The following SARNP variants were observed in gnomAD, a reference collection of about 807,000 sequenced individuals.
SARNP encodes SAP domain-containing ribonucleoprotein.
SARNP carries 5 observed loss-of-function variants against 38.1 expected under a neutral mutation model. The ratio of observed to expected loss-of-function variants is 0.13; its 90% CI spans 0.07 to 0.28. The LOEUF (loss-of-function observed/expected upper bound fraction) is 0.28, where lower values mean the gene tolerates loss of function less well. Ranked by LOEUF, SARNP falls within the 10% of genes least tolerant of loss-of-function variation. The pLI, the probability that SARNP is intolerant of heterozygous loss-of-function variation, is 1.00. For synonymous variants in SARNP, 84 were observed against 80.6 expected (o/e 1.04, Z -0.23); for missense variants, 180 against 243.9 (o/e 0.74, Z 1.75).
rs542134059 is a variant in SARNP, at chr12:55,760,444, G to GTAAA, written c.591+103_591+106dup. 3.3e-3 allele frequency: 2,304 copies of GTAAA among 702,066 alleles called. 7 individuals are homozygous for GTAAA. Among genetic ancestry groups the GTAAA allele is most frequent in the Non-Finnish European group, 3.6e-3 (1,449 of 407,906 alleles). The allele number at this position is 702,066 out of a possible 1,614,324, so 43.5% of individuals were successfully genotyped here. ...AGAGACCCCAACTCGACTTAAATAAGTAAATAAATAAATAAATAAATAGGT... is the reference window on the plus strand; with the variant it reads ...AGAGACCCCAACTCGACTTAAATAAGTAAATAAATAAATAAATAAATAAATAGGT... On this transcript the variant is annotated intron_variant, in intron 10 of 10. Transcript: ENST00000336133.
At chr12:55,814,914 C>G (rs1007577638) in intron 1 of SARNP, among the ~76,000 whole-genome samples, 3 of 151,824 alleles carry the variant, frequency 2.0e-5, no homozygotes, top group African/African-American at 7.3e-5. Flanking sequence ...CTACAAAATC[C>G]TCAGAAATTT....
At chr12:55,781,182 T>A (rs1426023701) in intron 9 of SARNP, among the ~76,000 whole-genome samples, 3 of 152,222 alleles carry the variant, frequency 2.0e-5, no homozygotes, top group Non-Finnish European at 4.4e-5. Context: ...GAAATCTGTA[T>A]GCTAGAAGAC....
chr12:55,794,307 G>C, intron 7 of SARNP, 52 bp downstream of exon 7: 4 of 1,491,226 alleles, frequency 2.7e-6, no homozygotes, highest in South Asian at 1.1e-5. Context: ...TGTTATACCA[G>C]AAAAGAAAGA....
chr12:55,753,863 C>T (rs1878419361), downstream of SARNP: 1 of 151,610 alleles, frequency 6.6e-6, no homozygotes, highest in African/African-American at 2.4e-5. Context: ...AGGAGGACCA[C>T]TTGAGGCCAG....
chr12:55,793,397 A>C (rs1209031706), intron 7 of SARNP: 1 of 152,174 alleles, frequency 6.6e-6, no homozygotes, highest in African/African-American at 2.4e-5. Context: ...CACCAACCAG[A>C]GATAAGAGTA....
chr12:55,770,394 G>GTT (rs1157595075), intron 9 of SARNP, among the ~76,000 whole-genome samples: 17 of 133,282 alleles, frequency 1.3e-4, no homozygotes, highest in African/African-American at 2.2e-4. Context: ...GCCCAGCTAG[G>GTT]TTTTTTTTTT....
chr12:55,758,241 T>C (rs955445574), intron 10 of SARNP, among the ~76,000 whole-genome samples: 2 of 152,204 alleles, frequency 1.3e-5, no homozygotes, highest in Non-Finnish European at 2.9e-5. Context: ...CCACTGCCCC[T>C]AGCAGAATAC....
rs757246709 is a variant in SARNP at position 55,794,896 on chromosome 12, C to T, written c.304-16G>A. On this transcript the variant is annotated splice_polypyrimidine_tract_variant and intron_variant, in intron 5 of 10. Coordinates refer to ENST00000336133, the MANE Select transcript of SARNP (RefSeq NM_033082.4). ...TCTGCATTCTCTAAGTAAAAATAGA[C>T]AAAAGGGAGAAAAAAAAGTCAATTT... 1.7e-6 allele frequency: 2 copies of T among 1,156,942 alleles called. No individual in the cohort carries two copies. Among genetic ancestry groups the T allele is most frequent in the Admixed American group, 2.7e-5 (1 of 37,474 alleles). 71.7% of individuals were successfully genotyped at this position (1,156,942 alleles called of 1,614,324 possible).
intron 1 of SARNP, chr12:55,816,069 A>G (rs1880473816): frequency 6.6e-6 from 1 of 152,250 alleles, no homozygotes; most frequent in South Asian, 2.1e-4. Flanking sequence ...AAAGTTACTT[A>G]TCCAATCAAA....
intron 9 of SARNP, among the ~76,000 whole-genome samples, chr12:55,781,871 A>C (rs896769790): frequency 9.9e-5 from 15 of 151,986 alleles, no homozygotes; most frequent in Non-Finnish European, 5.9e-5. Flanking sequence ...GGCACTCACT[A>C]CCATGCCTGG....
chr12:55,798,828 T>C (rs1359755548), intron 4 of SARNP, among the ~76,000 whole-genome samples: 2 of 152,222 alleles, frequency 1.3e-5, no homozygotes, highest in Non-Finnish European at 2.9e-5. Context: ...TTGTATATAC[T>C]TGTAATTTCC....
At chr12:55,786,002 A>G (rs927603352) in intron 9 of SARNP, among the ~76,000 whole-genome samples, 2 of 152,162 alleles carry the variant, frequency 1.3e-5, no homozygotes, top group Non-Finnish European at 2.9e-5. Context: ...CTTACAGATG[A>G]GGATCAAAGA....
At chr12:55,801,340 GGCTGAAGTGGGAACATTA>G (rs1300517691) in intron 2 of SARNP, among the ~76,000 whole-genome samples, 2 of 152,112 alleles carry the variant, frequency 1.3e-5, no homozygotes, top group African/African-American at 4.8e-5. Flanking sequence ...CTACTGGGGA[GGCTGAAGTGGGAACATTA>G]CTTGAACCCA....
intron 3 of SARNP, 49 bp downstream of exon 3, chr12:55,800,805 C>T: frequency 6.6e-7 from 1 of 1,509,194 alleles, no homozygotes; most frequent in Non-Finnish European, 9.2e-7. Context: ...GCAATGTGGC[C>T]AAAGCAGTGG....
At chr12:55,783,943 G>T (rs1276207954) in intron 9 of SARNP, among the ~76,000 whole-genome samples, 1 of 151,990 alleles carries the variant, frequency 6.6e-6, no homozygotes, top group Non-Finnish European at 1.5e-5. Context: ...AAGAAAAAAA[G>T]AAATCAATCA....
At chr12:55,809,838 G>A (rs539773765) in intron 1 of SARNP, among the ~76,000 whole-genome samples, 2 of 152,210 alleles carry the variant, frequency 1.3e-5, no homozygotes, top group South Asian at 2.1e-4. Flanking sequence ...TCTGTATAAT[G>A]TGTATAAACA....
intron 9 of SARNP, among the ~76,000 whole-genome samples, chr12:55,782,715 T>C (rs982803928): frequency 1.9e-4 from 29 of 152,126 alleles, no homozygotes; most frequent in African/African-American, 6.8e-4. Flanking sequence ...GTCTCCTAAG[T>C]AGCTGGGACC....
chr12:55,787,102 C>T (rs562785602), intron 9 of SARNP, among the ~76,000 whole-genome samples: 13 of 151,878 alleles, frequency 8.6e-5, no homozygotes, highest in South Asian at 6.3e-4. Context: ...CATGGTGGCA[C>T]ACATCTGTGG....
chr12:55,768,316 G>C (rs536570285), intron 9 of SARNP, among the ~76,000 whole-genome samples: 5 of 150,940 alleles, frequency 3.3e-5, no homozygotes, highest in Admixed American at 1.3e-4. Flanking sequence ...TTTTAGTAGA[G>C]ACAGGGTTTC....
Sources: gnomAD v4.1 joint callset for allele counts (sites outside exome capture counted in the v4.1 genomes callset) on GRCh38, gnomAD v4.1.1 for gene constraint, MANE v1.5 for transcripts, NCBI Gene and HGNC (gene_info 2026-07-23, HGNC 2026-07-21) for gene names.